PECAM1: variants seen among roughly 807,000 people sequenced by gnomAD.
The protein encoded by PECAM1 is platelet and endothelial cell adhesion molecule 1.
In PECAM1, 8 loss-of-function variants were observed where a neutral mutation model predicts 13.8. That is an observed-to-expected ratio of 0.58 (90% CI 0.34 to 1.05). The LOEUF is 1.05. Ranked by LOEUF, PECAM1 falls within the 50% of genes least tolerant of loss-of-function variation. The pLI is 0.03. For synonymous variants in PECAM1, 136 were observed against 52.6 expected (o/e 2.58, Z -6.86); for missense variants, 304 against 141.2 (o/e 2.15, Z -5.84).
In PECAM1 at chr17:64,353,473, T is replaced by C; in HGVS notation, c.1916+18A>G. The C allele has an allele frequency of 2.1e-6, 1 of 469,142 alleles. No individual in the cohort carries two copies. The highest frequency in any genetic ancestry group is 3.9e-6 in the Non-Finnish European group (1 of 256,482). The allele number at this position is 469,142 out of a possible 1,614,324, so 29.1% of individuals were successfully genotyped here. A position where few individuals can be genotyped will look rare whatever the true frequency, so the allele number is the denominator to read the frequency against. ...CGTGCTCACAGAGCAGCCGCCCCCT[T>C]CTTACAAATACACTCACCTGGACAT... On this transcript the variant is annotated intron_variant, in intron 10 of 15. Coordinates refer to ENST00000563924, the MANE Select transcript of PECAM1 (RefSeq NM_000442.5).
chr17:64,366,142 C>A (rs1336121497), intron 5 of PECAM1, among the ~76,000 whole-genome samples: 1 of 139,440 alleles, frequency 7.2e-6, no homozygotes, highest in Non-Finnish European at 1.6e-5. Context: ...AAACAAACAA[C>A]CCCATCAAAA....
intron 4 of PECAM1, among the ~76,000 whole-genome samples, chr17:64,371,722 C>G (rs1470149542): frequency 6.6e-6 from 1 of 151,890 alleles, no homozygotes; most frequent in Non-Finnish European, 1.5e-5. Flanking sequence ...GCCAGCTACT[C>G]AGGAGGCTGA....
chr17:64,370,110 T>C (rs1043911536), intron 4 of PECAM1, 85 bp from the exon 5 acceptor site: 5 of 398,058 alleles, frequency 1.3e-5, no homozygotes, highest in Non-Finnish European at 2.2e-5. Flanking sequence ...CTGCTTCCCC[T>C]TTTCAAACTT....
intron 3 of PECAM1, chr17:64,377,623 A>AGGAC: frequency 1.3e-5 from 5 of 378,034 alleles, no homozygotes; most frequent in East Asian, 3.9e-5. Context: ...AAAGAAAGGA[A>AGGAC]GGAAGGAAGG....
In PECAM1 at chr17:64,349,919, G is replaced by A. The variant is rs2035676937; in HGVS notation, c.2044+461C>T. On this transcript the variant is annotated intron_variant, in intron 12 of 15. Transcript: ENST00000563924. ...AACAAAAAAAAGAAAGAAAGGAAGA[G>A]ACCTTAACAGAATCCTTTCTCTTTG... is the stretch of plus-strand genomic sequence containing the variant. Among the ~76,000 whole-genome samples, 5 of 152,054 alleles carry A rather than the reference G, an allele frequency of 3.3e-5. 1 individual carries two copies.
chr17:64,384,678 C>T (rs1196889802), intron 2 of PECAM1, among the ~76,000 whole-genome samples: 12 of 152,142 alleles, frequency 7.9e-5, no homozygotes, highest in Non-Finnish European at 1.3e-4. Context: ...TTCAGATAAC[C>T]GCAACCCTGA....
intron 2 of PECAM1, among the ~76,000 whole-genome samples, chr17:64,379,575 C>T (rs2143885739): frequency 6.6e-6 from 1 of 152,266 alleles, no homozygotes; most frequent in South Asian, 2.1e-4. Context: ...CTTAGTTTTA[C>T]CCCTTGACAT....
chr17:64,337,169 C>A (rs2035302296), intron 14 of PECAM1, among the ~76,000 whole-genome samples: 1 of 151,902 alleles, frequency 6.6e-6, no homozygotes, highest in South Asian at 2.1e-4. Context: ...AGGGCTACAG[C>A]CTGTGCAAGA....
rs1450694224 is a variant in PECAM1, at chr17:64,359,248, C to G, written c.1492+892G>C. Among the ~76,000 whole-genome samples the G allele has an allele frequency of 2.0e-5, 3 of 152,172 alleles. No homozygotes were observed. In the East Asian group the frequency reaches 5.8e-4, roughly 29 times the overall value. ...ACAAAGAGGAGGAAGCCTTATTAAA[C>G]TTTTTACAACAGGATGCAAAATATC... is the stretch of plus-strand genomic sequence containing the variant. On this transcript the variant is annotated intron_variant, in intron 7 of 15. Transcript: ENST00000563924.
At position 64,342,565 on chromosome 17, in the gene PECAM1, G is replaced by T. The variant is rs1409272462; in HGVS notation, c.2108-875C>A. Among the ~76,000 whole-genome samples the T allele has an allele frequency of 2.6e-5, 4 of 152,094 alleles. No individual in the cohort carries two copies. In the East Asian group the frequency reaches 7.7e-4, roughly 29 times the overall value. On this transcript the variant is annotated intron_variant, in intron 13 of 15. Transcript: ENST00000563924. The stretch of plus-strand genomic sequence containing the variant: ...GGCTGTTTTCACTGCTGGCTCCTGG[G>T]CCTCACTGCAGCTTCTGGTTGGATT...
At chr17:64,376,963 A>T (rs1286901657) in intron 3 of PECAM1, among the ~76,000 whole-genome samples, 3 of 152,058 alleles carry the variant, frequency 2.0e-5, no homozygotes, top group Non-Finnish European at 4.4e-5. Flanking sequence ...GTGACAGAGG[A>T]AGACTCTGTC....
chr17:64,389,708 A>T (rs1359437176), intron 2 of PECAM1, among the ~76,000 whole-genome samples: 2 of 152,158 alleles, frequency 1.3e-5, no homozygotes, highest in African/African-American at 4.8e-5. Context: ...TCATTAAAAT[A>T]AAAAAATCAC....
chr17:64,373,955 C>T (rs2036299301), intron 4 of PECAM1, among the ~76,000 whole-genome samples: 1 of 152,170 alleles, frequency 6.6e-6, no homozygotes, highest in Non-Finnish European at 1.5e-5. Flanking sequence ...CCCAGCTTCC[C>T]TCTGCTGTTG....
chr17:64,361,084 G>A (rs1432455569), intron 6 of PECAM1, among the ~76,000 whole-genome samples: 2 of 143,784 alleles, frequency 1.4e-5, no homozygotes, highest in African/African-American at 2.6e-5. Context: ...GCTGCCCAAA[G>A]TGCTGGGATT....
At chr17:64,377,242 G>A (rs1203354690) in intron 3 of PECAM1, among the ~76,000 whole-genome samples, 1 of 152,188 alleles carries the variant, frequency 6.6e-6, no homozygotes, top group Non-Finnish European at 1.5e-5. Flanking sequence ...TGAATGTAGA[G>A]AGAGCATCAG....
In PECAM1 at chr17:64,333,206, A is replaced by T. The variant is rs146679306; in HGVS notation, c.2165-3484T>A. ...AGAAGATGGACCATTGAGTGAGTAG[A>T]TTCCGTGATGGGGAGGTGGGCCTCT... is the stretch of plus-strand genomic sequence containing the variant. On this transcript the variant is annotated intron_variant, in intron 14 of 15. Transcript: ENST00000563924. Among the ~76,000 whole-genome samples the T allele has an allele frequency of 1.8e-4, 27 of 152,288 alleles. 1 individual carries two copies. Among genetic ancestry groups the T allele is most frequent in the African/African-American group, 6.3e-4 (26 of 41,558 alleles).
At chr17:64,335,568 G>A (rs1468029458) in intron 14 of PECAM1, among the ~76,000 whole-genome samples, 1 of 152,242 alleles carries the variant, frequency 6.6e-6, no homozygotes, top group Non-Finnish European at 1.5e-5. Context: ...GGAACAGGAA[G>A]GCTTTGAAGA....
At position 64,375,368 on chromosome 17, in the gene PECAM1, G is replaced by A; in HGVS notation, c.386-12C>T. The A allele has an allele frequency of 2.2e-6, 1 of 461,188 alleles. No homozygotes were observed. Among genetic ancestry groups the A allele is most frequent in the South Asian group, 7.3e-5 (1 of 13,768 alleles). 28.6% of individuals were successfully genotyped at this position (461,188 alleles called of 1,614,324 possible). A position where few individuals can be genotyped will look rare whatever the true frequency, so the allele number is the denominator to read the frequency against. On this transcript the variant is annotated splice_polypyrimidine_tract_variant and intron_variant, in intron 3 of 15. Transcript: ENST00000563924. ...GGGACTGGGCACTCCTACGGGGAAAGAGAAAGTCTGTCAGTATCAGCCTGA... is the reference window on the plus strand; with the variant it reads ...GGGACTGGGCACTCCTACGGGGAAAAAGAAAGTCTGTCAGTATCAGCCTGA...
intron 15 of PECAM1, among the ~76,000 whole-genome samples, chr17:64,327,548 C>T (rs1470924104): frequency 2.0e-5 from 3 of 152,150 alleles, no homozygotes; most frequent in African/African-American, 7.2e-5. Context: ...GCTATAGCTG[C>T]CAATTGCCTT....
Sources: allele counts gnomAD v4.1 joint callset (sites outside exome capture counted in the v4.1 genomes callset), GRCh38; gene constraint gnomAD v4.1.1; transcripts MANE v1.5; gene names NCBI Gene and HGNC (gene_info 2026-07-23, HGNC 2026-07-21).